ATF1: variants seen among roughly 807,000 people sequenced by gnomAD.
ATF1 encodes cyclic AMP-dependent transcription factor ATF-1.
ATF1 carries 16 observed loss-of-function variants against 34.7 expected under a neutral mutation model. The observed-to-expected ratio is 0.46, with a 90% confidence interval of 0.31 to 0.70. The LOEUF (loss-of-function observed/expected upper bound fraction) is 0.70. ATF1 is among the 30% of genes least tolerant of loss of function. ATF1 has a pLI of 0.05. For missense variants in ATF1, 255 were observed against 321.6 expected (o/e 0.79, Z 1.58); for synonymous variants, 105 against 113.1 (o/e 0.93, Z 0.46).
chr12:50,802,669 C>T (rs965283189), intron 3 of ATF1, among the ~76,000 whole-genome samples: 12 of 151,034 alleles, frequency 7.9e-5, no homozygotes, highest in Non-Finnish European at 1.6e-4. Context: ...GTCAGGAGTT[C>T]GGGACCAGCC....
intron 3 of ATF1, among the ~76,000 whole-genome samples, chr12:50,797,304 G>GTGTA (rs1343984851): frequency 2.0e-5 from 3 of 152,178 alleles, no homozygotes; most frequent in Non-Finnish European, 4.4e-5. Context: ...CTACATCTAG[G>GTGTA]TGTATGTTGT....
chr12:50,765,021 C>T (rs931246098), intron 1 of ATF1, among the ~76,000 whole-genome samples: 1 of 152,244 alleles, frequency 6.6e-6, no homozygotes, highest in Non-Finnish European at 1.5e-5. Flanking sequence ...CCTGGCATTT[C>T]TCACTTTGAT....
chr12:50,781,595 C>T (rs540412559), intron 2 of ATF1, among the ~76,000 whole-genome samples: 8 of 152,104 alleles, frequency 5.3e-5, no homozygotes, highest in Non-Finnish European at 1.0e-4. Flanking sequence ...GGATTACAGG[C>T]GCCCACCACC....
chr12:50,787,971 T>A (rs1397057856), intron 2 of ATF1, among the ~76,000 whole-genome samples: 1 of 152,156 alleles, frequency 6.6e-6, no homozygotes, highest in Non-Finnish European at 1.5e-5. Flanking sequence ...TAGATGGGAT[T>A]ACTGAGAGGT....
chr12:50,811,754 G>A (rs183757806), intron 4 of ATF1, among the ~76,000 whole-genome samples: 7 of 151,634 alleles, frequency 4.6e-5, no homozygotes, highest in Admixed American at 2.6e-4. Flanking sequence ...TCGTACCACC[G>A]CACTCCAGCC....
intron 1 of ATF1, among the ~76,000 whole-genome samples, chr12:50,771,678 C>T (rs1940774717): frequency 6.6e-6 from 1 of 152,104 alleles, no homozygotes; most frequent in South Asian, 2.1e-4. Flanking sequence ...ACCTACTGGC[C>T]TGCATTCCCA....
At chr12:50,801,115 T>G (rs1489078147) in intron 3 of ATF1, among the ~76,000 whole-genome samples, 2 of 152,178 alleles carry the variant, frequency 1.3e-5, no homozygotes, top group Non-Finnish European at 2.9e-5. Flanking sequence ...TCAATCAATT[T>G]GATGGCTGAA....
In ATF1 at chr12:50,815,621, A is replaced by G. The variant is rs575771713; in HGVS notation, c.671+1182A>G. Among the ~76,000 whole-genome samples the G allele has an allele frequency of 1.4e-3, 208 of 151,714 alleles. 2 individuals carry two copies. Among genetic ancestry groups the G allele is most frequent in the African/African-American group, 4.8e-3 (200 of 41,392 alleles). Reference sequence around the variant, plus strand: ...TTAGGCTGGTCTCAGACCTGGGCTCAAGTGATCCATCCACCTGCCTCAGCC... The same window carrying G: ...TTAGGCTGGTCTCAGACCTGGGCTCGAGTGATCCATCCACCTGCCTCAGCC... On this transcript the variant is annotated intron_variant, in intron 6 of 6. Coordinates refer to ENST00000262053, the MANE Select transcript of ATF1 (RefSeq NM_005171.5).
At chr12:50,791,500 A>G (rs562346019) in intron 2 of ATF1, among the ~76,000 whole-genome samples, 1 of 152,068 alleles carries the variant, frequency 6.6e-6, no homozygotes, top group African/African-American at 2.4e-5. Flanking sequence ...GGTTGCAGTG[A>G]GTCTAGATCG....
chr12:50,785,095 C>T (rs959843922), intron 2 of ATF1, among the ~76,000 whole-genome samples: 19 of 146,464 alleles, frequency 1.3e-4, no homozygotes, highest in African/African-American at 4.3e-4. Flanking sequence ...CCAAGATTGA[C>T]GTCACAGTTT....
intron 1 of ATF1, among the ~76,000 whole-genome samples, chr12:50,765,995 A>T (rs1940625007): frequency 6.6e-6 from 1 of 152,144 alleles, no homozygotes. Flanking sequence ...TGTTACTTTT[A>T]CATCGCACTG....
At chr12:50,783,339 A>C (rs770615724) in intron 2 of ATF1, among the ~76,000 whole-genome samples, 6 of 152,216 alleles carry the variant, frequency 3.9e-5, no homozygotes, top group Non-Finnish European at 8.8e-5. Context: ...TCTGTGAAGA[A>C]TAGCAGTGTC....
At position 50,818,899 on chromosome 12, in the gene ATF1, C is replaced by A. The variant is rs530620486; in HGVS notation, c.672-736C>A. 3.3e-5 allele frequency among the ~76,000 whole-genome samples: 5 copies of A among 152,348 alleles called. No homozygotes were observed. In the East Asian group the frequency reaches 9.6e-4, roughly 29 times the overall value. ...GGGATTACAGGCATGAGCCACCATG[C>A]CTGGCCAATACTTCCGATTTCTATA... is the stretch of plus-strand genomic sequence containing the variant. On this transcript the variant is annotated intron_variant, in intron 6 of 6. Transcript: ENST00000262053.
At chr12:50,794,278 T>C (rs1438492523) in intron 2 of ATF1, among the ~76,000 whole-genome samples, 1 of 150,930 alleles carries the variant, frequency 6.6e-6, no homozygotes, top group East Asian at 2.0e-4. Flanking sequence ...AAAATTAAGA[T>C]GAAGTCGGCC....
intron 3 of ATF1, among the ~76,000 whole-genome samples, chr12:50,797,676 G>A (rs1941435444): frequency 6.6e-6 from 1 of 151,916 alleles, no homozygotes; most frequent in Admixed American, 6.6e-5. Flanking sequence ...CCACTATGTT[G>A]ACCAGGCTGG....
Position 50,795,892 on chromosome 12 carries a change from T to C in ATF1, c.94-17T>C, listed in dbSNP as rs1378517387. ...CCACCTGCATTGTTCATCATGTTAA[T>C]GCCAGTTCTTTTTTAGGTATCATCT... On this transcript the variant is annotated splice_polypyrimidine_tract_variant and intron_variant, in intron 2 of 6. Coordinates refer to ENST00000262053, the MANE Select transcript of ATF1 (RefSeq NM_005171.5). The C allele has an allele frequency of 1.3e-6, 2 of 1,588,468 alleles. No homozygotes were observed. Among genetic ancestry groups the C allele is most frequent in the South Asian group, 2.2e-5 (2 of 90,050 alleles).
chr12:50,805,284 G>A (rs992058597), intron 3 of ATF1, among the ~76,000 whole-genome samples: 22 of 151,896 alleles, frequency 1.4e-4, no homozygotes, highest in African/African-American at 4.8e-4. Context: ...GGCTAGGCAC[G>A]GTGGCTCATG....
At chr12:50,806,023 C>T (rs985876401) in intron 3 of ATF1, among the ~76,000 whole-genome samples, 8 of 151,784 alleles carry the variant, frequency 5.3e-5, no homozygotes, top group African/African-American at 4.8e-5. Flanking sequence ...TGGTGGCGCA[C>T]GCCTGTAATC....
At chr12:50,773,444 CTTTTTTT>C (rs71086476) in intron 1 of ATF1, among the ~76,000 whole-genome samples, 2 of 89,588 alleles carry the variant, frequency 2.2e-5, no homozygotes, top group East Asian at 3.2e-4. Flanking sequence ...AATTGCCATT[CTTTTTTT>C]TTTTTTTTTT....
Sources: allele counts gnomAD v4.1 joint callset (sites outside exome capture counted in the v4.1 genomes callset), GRCh38; gene constraint gnomAD v4.1.1; transcripts MANE v1.5; gene names NCBI Gene and HGNC (gene_info 2026-07-23, HGNC 2026-07-21).